ARHGAP21: variants seen among roughly 807,000 people sequenced by gnomAD.
ARHGAP21 encodes rho GTPase-activating protein 21.
Under a neutral mutation model 164.6 loss-of-function variants are expected in ARHGAP21, and 38 were observed. That is an observed-to-expected ratio of 0.23 (90% CI 0.18 to 0.30). The LOEUF (loss-of-function observed/expected upper bound fraction) is 0.30, where lower values mean the gene tolerates loss of function less well. Among genes scored for constraint, ARHGAP21 ranks in the 10% least tolerant of loss-of-function variants. The pLI, the probability that ARHGAP21 is intolerant of heterozygous loss-of-function variation, is 1.00. For missense variants in ARHGAP21, 1,822 were observed against 2,370.7 expected, an observed-to-expected ratio of 0.77 and a Z score of 4.81; for synonymous variants, 766 against 857.9, an observed-to-expected ratio of 0.89 and a Z score of 1.87.
Position 24,620,936 on chromosome 10 carries a change from G to C in ARHGAP21, c.959C>G (p.Pro320Arg). 6.2e-7 allele frequency: 1 copy of C among 1,613,924 alleles called. No individual in the cohort carries two copies. The highest frequency in any genetic ancestry group is 1.3e-5 in the African/African-American group (1 of 75,022). The change falls in exon 9 of 26, where the codon CCA becomes CGA. Residue 320 changes from proline to arginine, a missense_variant. Transcript: ENST00000396432. ...ATGAGTGGTGGGAATTGATAATGGT[G>C]GTGATGTGGTTCTTGACACTGTTTT... ...SLKTVSRTTS[P>R]PLSIPTTHLI...
At chr10:24,641,721 C>A (rs1837037814) in intron 4 of ARHGAP21, among the ~76,000 whole-genome samples, 1 of 152,174 alleles carries the variant, frequency 6.6e-6, no homozygotes, top group South Asian at 2.1e-4. Flanking sequence ...ACTGGCCAGG[C>A]ATGGTGGCTC....
chr10:24,721,861 A>C lies in ARHGAP21; in HGVS notation c.39T>G (p.Asp13Glu). The change falls in exon 2 of 26, where the codon GAT becomes GAG. Residue 13 changes from aspartate to glutamate, a missense_variant. By Grantham distance (45) the Asp-to-Glu change is conservative. Coordinates refer to ENST00000396432, the MANE Select transcript of ARHGAP21 (RefSeq NM_020824.4). ...ATRRTGLSEG[D>E]GDKLKACEVS... is the part of the protein sequence containing the mutation. ...CCTCGCAGGCCTTGAGCTTGTCACC[A>C]TCTCCCTCAGACAGACCAGTCCGAC... 1 of 1,614,226 alleles carries C rather than the reference A, an allele frequency of 6.2e-7. No individual in the cohort carries two copies. The highest frequency in any genetic ancestry group is 8.5e-7 in the Non-Finnish European group (1 of 1,180,048).
intron 6 of ARHGAP21, among the ~76,000 whole-genome samples, chr10:24,630,766 T>C (rs1254067872): frequency 6.6e-6 from 1 of 152,216 alleles, no homozygotes; most frequent in Non-Finnish European, 1.5e-5. Flanking sequence ...GTGCTGGGAT[T>C]ACAGGCGTGA....
intron 9 of ARHGAP21, among the ~76,000 whole-genome samples, chr10:24,610,192 C>A (rs2077194951): frequency 2.6e-5 from 4 of 152,150 alleles, no homozygotes; most frequent in Admixed American, 2.6e-4. Context: ...GCCTGGCCAA[C>A]ATGGCAAAAC....
intron 7 of ARHGAP21, among the ~76,000 whole-genome samples, chr10:24,626,646 A>G (rs1344273030): frequency 6.6e-6 from 1 of 152,200 alleles, no homozygotes; most frequent in Non-Finnish European, 1.5e-5. Context: ...ATAGACTAAG[A>G]GAGTCAGCAT....
At chr10:24,628,166 C>G (rs769150996) in intron 7 of ARHGAP21, among the ~76,000 whole-genome samples, 28 of 152,328 alleles carry the variant, frequency 1.8e-4, no homozygotes, top group Non-Finnish European at 3.4e-4. Context: ...TACATGATCA[C>G]TATGCTGAAT....
rs771305026 is a variant in ARHGAP21 at position 24,585,032 on chromosome 10, C to T, written c.5257G>A (p.Glu1753Lys). 3.0e-5 allele frequency: 49 copies of T among 1,613,786 alleles called. No individual in the cohort carries two copies. Among genetic ancestry groups the T allele is most frequent in the Non-Finnish European group, 3.9e-5 (46 of 1,179,876 alleles). Residue 1753 changes from glutamate (E) to lysine (K), a missense_variant, in exon 26 of 26, where the codon GAA (glutamate) becomes AAA (lysine). This residue lies in a region of ARHGAP21 where 117 missense variants were observed against 193.2 expected (regional missense o/e 0.61). Coordinates refer to ENST00000396432, the MANE Select transcript of ARHGAP21 (RefSeq NM_020824.4). ...CATGTGGGTTCCTGTTTTTCGGATT[C>T]GCCTCTGGTGGGTGTCAGTAAACTC... ...TGSLLTPTRG[E>K]SEKQEPTWKT... is the part of the protein sequence containing the mutation.
chr10:24,664,588 T>TAAC (rs1840019805), intron 4 of ARHGAP21, among the ~76,000 whole-genome samples: 1 of 151,106 alleles, frequency 6.6e-6, no homozygotes, highest in Non-Finnish European at 1.5e-5. Flanking sequence ...ATAATAATAA[T>TAAC]AACAGTATAG....
intron 2 of ARHGAP21, among the ~76,000 whole-genome samples, chr10:24,704,083 C>T (rs1012694911): frequency 6.6e-6 from 1 of 152,018 alleles, no homozygotes; most frequent in African/African-American, 2.4e-5. Flanking sequence ...CTCCTAAAGC[C>T]AAATCTCTAG....
At chr10:24,631,794 T>C (rs1279019317) in intron 6 of ARHGAP21, among the ~76,000 whole-genome samples, 3 of 152,222 alleles carry the variant, frequency 2.0e-5, no homozygotes, top group Non-Finnish European at 4.4e-5. Flanking sequence ...CAAGGTTCAC[T>C]TGATTAACCT....
At chr10:24,631,721 T>C (rs1042000514) in intron 6 of ARHGAP21, among the ~76,000 whole-genome samples, 2 of 152,196 alleles carry the variant, frequency 1.3e-5, no homozygotes, top group East Asian at 3.9e-4. Flanking sequence ...TCTGTTTGTT[T>C]GTTGTTTTTG....
At chr10:24,628,091 A>G (rs1045713635) in intron 7 of ARHGAP21, among the ~76,000 whole-genome samples, 7 of 152,222 alleles carry the variant, frequency 4.6e-5, no homozygotes, top group African/African-American at 1.7e-4. Context: ...GCACTAGAGA[A>G]GAATTCCCTA....
At chr10:24,625,299 G>GCAAAAAAAAAAAAAA (rs768183583) in intron 7 of ARHGAP21, among the ~76,000 whole-genome samples, 16 of 53,768 alleles carry the variant, frequency 3.0e-4, no homozygotes, top group East Asian at 6.3e-4. Context: ...ATGAAACAGA[G>GCAAAAAAAAAAAAAA]AAAAAAAAAA....
At chr10:24,662,780 T>C (rs1391422931) in intron 4 of ARHGAP21, among the ~76,000 whole-genome samples, 1 of 152,206 alleles carries the variant, frequency 6.6e-6, no homozygotes, top group African/African-American at 2.4e-5. Flanking sequence ...TTTTAAAGCC[T>C]TAGTTTTCTG....
At chr10:24,679,478 T>C (rs919084720) in intron 2 of ARHGAP21, among the ~76,000 whole-genome samples, 4 of 152,228 alleles carry the variant, frequency 2.6e-5, no homozygotes, top group Non-Finnish European at 5.9e-5. Context: ...ATATAAATTT[T>C]TGGAGGACAT....
intron 25 of ARHGAP21, among the ~76,000 whole-genome samples, chr10:24,586,865 T>C (rs774715527): frequency 3.9e-5 from 6 of 151,934 alleles, no homozygotes; most frequent in Non-Finnish European, 7.4e-5. Context: ...CTAGGGAACA[T>C]GGTGAAGGCC....
chr10:24,584,841 C>A lies in ARHGAP21; in HGVS notation c.5448G>T (p.Leu1816Phe), dbSNP rs1188542779. The change falls in exon 26 of 26, where the codon TTG becomes TTT. Residue 1816 changes from leucine to phenylalanine, a missense_variant. Physicochemically the swap from Leu to Phe is conservative, Grantham distance 22 (BLOSUM62 0). Coordinates refer to ENST00000396432, the MANE Select transcript of ARHGAP21 (RefSeq NM_020824.4). ...GHRDATEISV[L>F]NFWKVHEQSG... is the part of the protein sequence containing the mutation. ...TCTGCTCATGCACTTTCCAAAAATT[C>A]AAAACGCTGATTTCGGTAGCATCTC... 1 of 1,613,980 alleles carries A rather than the reference C, an allele frequency of 6.2e-7. No homozygotes were observed. Among genetic ancestry groups the A allele is most frequent in the Admixed American group, 1.7e-5 (1 of 60,018 alleles).
In ARHGAP21 at chr10:24,670,241, A is replaced by G; in HGVS notation, c.220T>C (p.Ser74Pro). 1.9e-6 allele frequency: 3 copies of G among 1,593,924 alleles called. No individual in the cohort carries two copies. The highest frequency in any genetic ancestry group is 2.6e-6 in the Non-Finnish European group (3 of 1,170,548). ...ACCTTATATGAAAATTGAATTGCAG[A>G]CTCTGGGGGATAAACAATAAAATGT... ...LRHFIVYPPE[S>P]AIQFSYKDEE... is the part of the protein sequence containing the mutation. The change falls in exon 3 of 26, where the codon TCT becomes CCT. Residue 74 changes from serine to proline, a missense_variant. Coordinates refer to ENST00000396432, the MANE Select transcript of ARHGAP21 (RefSeq NM_020824.4).
chr10:24,630,106 T>A, intron 6 of ARHGAP21, 56 bp from the exon 7 acceptor site: 1 of 978,654 alleles, frequency 1.0e-6, no homozygotes, highest in South Asian at 2.1e-5. Context: ...AAAAAAGACT[T>A]AATGGAAAAA....
Sources: gnomAD v4.1 joint callset for allele counts (sites outside exome capture counted in the v4.1 genomes callset) on GRCh38, gnomAD v4.1.1 for gene constraint, gnomAD v4.1.1 regional missense constraint, MANE v1.5 for transcripts, NCBI Gene and HGNC (gene_info 2026-07-23, HGNC 2026-07-21) for gene names.